SUDS3: variants seen among roughly 807,000 people sequenced by gnomAD.
SUDS3 encodes SIN3A corepressor complex component SDS3.
Under a neutral mutation model 53.5 loss-of-function variants are expected in SUDS3, and 23 were observed. The ratio of observed to expected loss-of-function variants is 0.43; its 90% CI spans 0.31 to 0.61. The LOEUF is 0.61. SUDS3 is among the 20% of genes least tolerant of loss of function. The pLI is 0.10. For synonymous variants in SUDS3, 150 were observed against 148.5 expected, an observed-to-expected ratio of 1.01 and a Z score of -0.08; for missense variants, 291 against 405.9, an observed-to-expected ratio of 0.72 and a Z score of 2.43.
At chr12:118,384,633 C>T (rs1049933698) in intron 3 of SUDS3, among the ~76,000 whole-genome samples, 2 of 152,088 alleles carry the variant, frequency 1.3e-5, no homozygotes. Flanking sequence ...GAGATCGAGA[C>T]AATCTTGGCT....
At chr12:118,405,914 G>T (rs1181883655) in intron 10 of SUDS3, among the ~76,000 whole-genome samples, 5 of 152,142 alleles carry the variant, frequency 3.3e-5, no homozygotes, top group African/African-American at 1.2e-4. Context: ...GAGTATTTTG[G>T]TGCAGCCGTA....
chr12:118,389,800 TG>T, intron 4 of SUDS3, 126 bp from the exon 5 acceptor site: 1 of 1,144,522 alleles, frequency 8.7e-7, no homozygotes, highest in Non-Finnish European at 1.3e-6. Context: ...AACATTTCAC[TG>T]ATGAAAACAT....
chr12:118,382,456 G>T (rs1028920032), intron 2 of SUDS3, among the ~76,000 whole-genome samples: 2 of 151,460 alleles, frequency 1.3e-5, no homozygotes, highest in African/African-American at 4.9e-5. Flanking sequence ...CAACCTCTGG[G>T]GCTCAATCCA....
chr12:118,410,996 G>A lies in SUDS3; in HGVS notation c.804-77G>A. 5 of 1,105,984 alleles carry A rather than the reference G, an allele frequency of 4.5e-6. No homozygotes were observed. The South Asian group carries it at 6.7e-5, about 15-fold the overall frequency. The allele number at this position is 1,105,984 out of a possible 1,614,324, so 68.5% of individuals were successfully genotyped here. A position where few individuals can be genotyped will look rare whatever the true frequency, so the allele number is the denominator to read the frequency against. On this transcript the variant is annotated intron_variant, in intron 10 of 11. Coordinates refer to ENST00000543473, the MANE Select transcript of SUDS3 (RefSeq NM_022491.3). ...TTTAATTATAATTTTTGTTGTGATG[G>A]TGTTTTTGTTTTGTTTGGTTTTTAC...
Position 118,389,947 on chromosome 12 carries a change from G to GT in SUDS3, c.360+2dup. 1 of 1,614,066 alleles carries GT rather than the reference G, an allele frequency of 6.2e-7. No homozygotes were observed. The highest frequency in any genetic ancestry group is 8.5e-7 in the Non-Finnish European group (1 of 1,179,900). On this transcript the variant is annotated splice_donor_variant, in intron 5 of 11. Coordinates refer to ENST00000543473, the MANE Select transcript of SUDS3 (RefSeq NM_022491.3). LOFTEE classifies it high-confidence loss of function. ...TGCAGAACTCTTCCTCCAGCTGGAAGTAAGTACCACGGATCTTCTGGGTTT... is the reference window on the plus strand; with the variant it reads ...TGCAGAACTCTTCCTCCAGCTGGAAGTTAAGTACCACGGATCTTCTGGGTTT...
In SUDS3 at chr12:118,402,002, C is replaced by T. The variant is rs768818165; in HGVS notation, c.695C>T (p.Pro232Leu). ...CTACAGCTTAAGTCACCCAAGAGAC[C>T]AGGTGAGTGCATGATGTGTTGGCAT... ...TLNKLKSPKR[P>L]ASPSSPEHLP... Residue 232 changes from proline to leucine, a missense_variant and splice_region_variant, in exon 9 of 12, where the codon CCA becomes CTA. Physicochemically the swap from Pro to Leu is moderately conservative, Grantham distance 98. Coordinates refer to ENST00000543473, the MANE Select transcript of SUDS3 (RefSeq NM_022491.3). 1 of 1,613,864 alleles carries T rather than the reference C, an allele frequency of 6.2e-7. No individual in the cohort carries two copies. Among genetic ancestry groups the T allele is most frequent in the Non-Finnish European group, 8.5e-7 (1 of 1,179,874 alleles).
chr12:118,406,416 G>C (rs1259779439), intron 10 of SUDS3, among the ~76,000 whole-genome samples: 2 of 152,198 alleles, frequency 1.3e-5, no homozygotes, highest in Non-Finnish European at 2.9e-5. Context: ...AGGATTCTCA[G>C]TAGGATACAA....
intron 2 of SUDS3, 31 bp from the exon 3 acceptor site, chr12:118,383,981 A>G (rs1400888114): frequency 2.5e-6 from 4 of 1,591,888 alleles, no homozygotes; most frequent in Non-Finnish European, 3.4e-6. Flanking sequence ...GAATGTTTTT[A>G]TCTGTTAGTG....
chr12:118,393,448 A>G (rs557196169), intron 6 of SUDS3, among the ~76,000 whole-genome samples: 1 of 152,264 alleles, frequency 6.6e-6, no homozygotes, highest in South Asian at 2.1e-4. Context: ...CCTCCATAGG[A>G]ATTGGCAGGA....
rs1473942623 is a variant in SUDS3 at position 118,386,151 on chromosome 12, A to C, written c.306A>C (p.Leu102=). ...AATATCAGAAGAGAATGAAAAAACT[A>C]GATCAGCAGTACAAAGAGAGGATAC... ...LQEYQKRMKK[L]DQQYKERIRN... is the part of the protein sequence containing the mutation. The change falls in exon 4 of 12, where the codon CTA becomes CTC. Residue 102 remains leucine (L), a synonymous_variant. Coordinates refer to ENST00000543473, the MANE Select transcript of SUDS3 (RefSeq NM_022491.3). The C allele has an allele frequency of 1.2e-6, 2 of 1,602,328 alleles. No homozygotes were observed. Among genetic ancestry groups the C allele is most frequent in the Non-Finnish European group, 1.7e-6 (2 of 1,174,196 alleles).
intron 1 of SUDS3, among the ~76,000 whole-genome samples, chr12:118,378,086 G>T (rs1484066294): frequency 6.6e-6 from 1 of 152,148 alleles, no homozygotes; most frequent in African/African-American, 2.4e-5. Flanking sequence ...ACCCACGAGG[G>T]GGCGCTGTGG....
chr12:118,409,746 C>T (rs1182809254), intron 10 of SUDS3, among the ~76,000 whole-genome samples: 2 of 152,248 alleles, frequency 1.3e-5, no homozygotes, highest in African/African-American at 2.4e-5. Flanking sequence ...TGTTATTAAT[C>T]GACGTGGGGC....
intron 3 of SUDS3, among the ~76,000 whole-genome samples, chr12:118,385,317 C>T (rs1055335942): frequency 6.6e-6 from 1 of 152,118 alleles, no homozygotes; most frequent in Non-Finnish European, 1.5e-5. Context: ...CCACATTGGC[C>T]AGGCTGGTCT....
intron 11 of SUDS3, among the ~76,000 whole-genome samples, chr12:118,412,599 G>A (rs1400126954): frequency 3.3e-5 from 5 of 152,208 alleles, no homozygotes; most frequent in Non-Finnish European, 5.9e-5. Flanking sequence ...CAGCCAAGAG[G>A]TGTCACGATT....
At chr12:118,399,084 G>A (rs1358362009) in intron 6 of SUDS3, among the ~76,000 whole-genome samples, 1 of 152,200 alleles carries the variant, frequency 6.6e-6, no homozygotes, top group Non-Finnish European at 1.5e-5. Flanking sequence ...AAAGTCTGGT[G>A]CCCTTGGGTA....
chr12:118,408,935 G>A (rs1245418524), intron 10 of SUDS3, among the ~76,000 whole-genome samples: 1 of 151,950 alleles, frequency 6.6e-6, no homozygotes, highest in Non-Finnish European at 1.5e-5. Context: ...GTTTACATAG[G>A]AGAGCTGGCT....
intron 10 of SUDS3, among the ~76,000 whole-genome samples, chr12:118,404,895 A>G (rs1051586477): frequency 1.3e-5 from 2 of 152,214 alleles, no homozygotes; most frequent in African/African-American, 4.8e-5. Flanking sequence ...GTACTTGTCA[A>G]AAATGCTTAG....
chr12:118,408,406 C>T (rs979020589), intron 10 of SUDS3, among the ~76,000 whole-genome samples: 11 of 151,772 alleles, frequency 7.2e-5, no homozygotes, highest in African/African-American at 2.2e-4. Context: ...TGATCTCAGC[C>T]CACTGCAGTC....
At chr12:118,384,757 T>C (rs889089253) in intron 3 of SUDS3, among the ~76,000 whole-genome samples, 11 of 151,086 alleles carry the variant, frequency 7.3e-5, no homozygotes, top group African/African-American at 2.7e-4. Flanking sequence ...AGCGTGAACC[T>C]GGAGGCGGAA....
Sources: allele counts gnomAD v4.1 joint callset (sites outside exome capture counted in the v4.1 genomes callset), GRCh38; gene constraint gnomAD v4.1.1; transcripts MANE v1.5; gene names NCBI Gene and HGNC (gene_info 2026-07-23, HGNC 2026-07-21).